Variants in MYO5A observed in about 807,000 individuals in gnomAD.
MYO5A encodes the protein myosin VA, also known as unconventional myosin-Va.
A neutral mutation model predicts 249.7 loss-of-function variants in MYO5A; 98 were observed. The observed-to-expected ratio is 0.39, with a 90% CI of 0.33 to 0.46. MYO5A has a LOEUF of 0.46. MYO5A is among the 20% of genes least tolerant of loss of function. MYO5A has a pLI of 0.98. For synonymous variants in MYO5A, 778 were observed against 810.6 expected, an observed-to-expected ratio of 0.96 and a Z score of 0.68; for missense variants, 1,696 against 2,308.8, an observed-to-expected ratio of 0.73 and a Z score of 5.44.
intron 1 of MYO5A, among the ~76,000 whole-genome samples, chr15:52,436,684 G>A (rs967481635): frequency 1.3e-5 from 2 of 152,174 alleles, no homozygotes; most frequent in Non-Finnish European, 2.9e-5. Flanking sequence ...GCAGTACTTA[G>A]AACAGTACCT....
At chr15:52,400,162 T>A (rs1440534267) in intron 9 of MYO5A, among the ~76,000 whole-genome samples, 2 of 152,206 alleles carry the variant, frequency 1.3e-5, no homozygotes, top group Admixed American at 1.3e-4. Flanking sequence ...CTTGCTATAT[T>A]TTGATTTTTT....
intron 32 of MYO5A, 115 bp downstream of exon 32, chr15:52,340,081 C>T: frequency 9.3e-7 from 1 of 1,076,276 alleles, no homozygotes; most frequent in African/African-American, 1.6e-5. Context: ...AGAGGGGTAA[C>T]AAGTACAGAG....
intron 1 of MYO5A, among the ~76,000 whole-genome samples, chr15:52,487,685 C>T (rs982986607): frequency 1.3e-5 from 2 of 149,214 alleles, no homozygotes; most frequent in Non-Finnish European, 1.5e-5. Flanking sequence ...GATCATGCCA[C>T]TGCACTCCAG....
At chr15:52,322,972 C>T (rs1160518979) in intron 37 of MYO5A, among the ~76,000 whole-genome samples, 1 of 151,974 alleles carries the variant, frequency 6.6e-6, no homozygotes, top group Non-Finnish European at 1.5e-5. Context: ...CCAATGCCAT[C>T]CCTCCCCCCG....
intron 15 of MYO5A, 142 bp downstream of exon 15, chr15:52,384,019 G>T: frequency 2.1e-6 from 2 of 936,698 alleles, no homozygotes; most frequent in Non-Finnish European, 3.2e-6. Flanking sequence ...AGTTTTAGTG[G>T]ATGGTGTCGT....
chr15:52,524,720 T>C (rs2077698480), intron 1 of MYO5A, among the ~76,000 whole-genome samples: 2 of 151,468 alleles, frequency 1.3e-5, no homozygotes, highest in African/African-American at 2.4e-5. Flanking sequence ...TAGAAGAAAT[T>C]TAAAAATTAG....
Position 52,309,413 on chromosome 15 carries a change from G to C in MYO5A, c.*4283C>G, listed in dbSNP as rs2037710933. The C allele has an allele frequency of 3.9e-5, 6 of 152,194 alleles. No homozygotes were observed. In the South Asian group the frequency reaches 1.0e-3, roughly 26 times the overall value. The allele number at this position is 152,194 out of a possible 1,614,324, so 9.4% of individuals were successfully genotyped here. On this transcript the variant is annotated 3_prime_UTR_variant, in exon 42 of 42. Coordinates refer to ENST00000399233, the MANE Select transcript of MYO5A (RefSeq NM_001382347.1). ...TTCCCACATGCCAGCTGCCAACTCT[G>C]ATAAAAAAGCACCCCTTGCTGGCCA...
chr15:52,385,094 T>C (rs145264075), intron 14 of MYO5A, among the ~76,000 whole-genome samples: 11 of 152,320 alleles, frequency 7.2e-5, no homozygotes, highest in East Asian at 1.9e-4. Context: ...TTAGTCAATA[T>C]GGTTGGGAGA....
rs1289268810 is a variant in MYO5A, at chr15:52,364,195, GCC to G, written c.3309+357_3309+358del. Among the ~76,000 whole-genome samples, 3 of 151,564 alleles carry G rather than the reference GCC, an allele frequency of 2.0e-5. No individual in the cohort carries two copies. In the East Asian group the frequency reaches 5.8e-4, roughly 29 times the overall value. On this transcript the variant is annotated intron_variant, in intron 24 of 41. Transcript: ENST00000399233. ...GGAGGTTGCAGTGAGCCGAGATTGTGCCACTACACTCCAGCCTGGTGACACAG... is the reference window on the plus strand; with the variant it reads ...GGAGGTTGCAGTGAGCCGAGATTGTGACTACACTCCAGCCTGGTGACACAG...
At chr15:52,364,738 G>A (rs746128957) in intron 23 of MYO5A, 36 bp from the exon 24 acceptor site, 7 of 1,609,384 alleles carry the variant, frequency 4.3e-6, no homozygotes, top group Non-Finnish European at 5.9e-6. Flanking sequence ...ACTAAAGATG[G>A]CCCCTTGAGA....
intron 9 of MYO5A, among the ~76,000 whole-genome samples, chr15:52,403,045 T>C (rs372799556): frequency 6.3e-4 from 96 of 152,310 alleles, no homozygotes; most frequent in African/African-American, 2.2e-3. Flanking sequence ...TAAGTACTAT[T>C]TCTCCAAGAT....
At chr15:52,362,965 C>T (rs761582178) in intron 24 of MYO5A, among the ~76,000 whole-genome samples, 4 of 152,194 alleles carry the variant, frequency 2.6e-5, no homozygotes, top group Non-Finnish European at 4.4e-5. Context: ...CCAAGAAATT[C>T]TCCAGAAAAG....
chr15:52,508,785 C>A (rs2693464), intron 1 of MYO5A, among the ~76,000 whole-genome samples: 142,021 of 152,156 alleles, frequency 0.93, 67,075 homozygotes, highest in East Asian at 1. Flanking sequence ...TTTTCTTTAC[C>A]TCTTTATTAT....
intron 1 of MYO5A, among the ~76,000 whole-genome samples, chr15:52,510,785 T>A (rs2077374301): frequency 1.3e-5 from 2 of 152,234 alleles, no homozygotes. Context: ...AACTGGTCCC[T>A]GGGGCCAAAA....
rs1259177100 is a variant in MYO5A at position 52,503,376 on chromosome 15, ACTTTGGGAGGC to A, written c.27+25393_27+25403del. On this transcript the variant is annotated intron_variant, in intron 1 of 41. Transcript: ENST00000399233. The stretch of plus-strand genomic sequence containing the variant: ...GTGGCTCACACCTGTAAATGCCAGC[ACTTTGGGAGGC>A]CAAGGTGGGAGGATCTCTTGAGTCA... Among the ~76,000 whole-genome samples, 4 of 152,232 alleles carry A rather than the reference ACTTTGGGAGGC, an allele frequency of 2.6e-5. No homozygotes were observed. The South Asian group carries it at 6.2e-4, about 24-fold the overall frequency.
chr15:52,341,682 C>A (rs576425699), intron 31 of MYO5A, among the ~76,000 whole-genome samples: 1 of 152,216 alleles, frequency 6.6e-6, no homozygotes, highest in Admixed American at 6.5e-5. Context: ...GTGATTAAAA[C>A]ATTTCAAAAA....
intron 30 of MYO5A, among the ~76,000 whole-genome samples, chr15:52,345,262 A>G (rs1332958791): frequency 6.6e-6 from 1 of 152,210 alleles, no homozygotes; most frequent in Non-Finnish European, 1.5e-5. Flanking sequence ...TACTCTGTAA[A>G]TAACTGTTAC....
chr15:52,376,570 A>G lies in MYO5A; in HGVS notation c.2209-12T>C. On this transcript the variant is annotated splice_polypyrimidine_tract_variant and intron_variant, in intron 18 of 41. Transcript: ENST00000399233. ...TATTTGTCCTTGTCCTATTTTTGGA[A>G]GAAATTGTATATTCAGAAATAATAA... is the stretch of plus-strand genomic sequence containing the variant. 6.2e-7 allele frequency: 1 copy of G among 1,606,486 alleles called. No individual in the cohort carries two copies.
Position 52,367,142 on chromosome 15 carries a change from A to T in MYO5A, c.3067-18T>A, listed in dbSNP as rs1457451056. Reference sequence around the variant, plus strand: ...GATACCAGCTACGAAATGAAACAATAAACTGAGATGGTTGCAATGGACAGA... The same window carrying T: ...GATACCAGCTACGAAATGAAACAATTAACTGAGATGGTTGCAATGGACAGA... On this transcript the variant is annotated intron_variant, in intron 22 of 41. Coordinates refer to ENST00000399233, the MANE Select transcript of MYO5A (RefSeq NM_001382347.1). The T allele has an allele frequency of 6.2e-7, 1 of 1,602,226 alleles. No homozygotes were observed. Among genetic ancestry groups the T allele is most frequent in the East Asian group, 2.2e-5 (1 of 44,772 alleles).
Sources: allele counts gnomAD v4.1 joint callset (sites outside exome capture counted in the v4.1 genomes callset), GRCh38; gene constraint gnomAD v4.1.1; transcripts MANE v1.5; gene names NCBI Gene and HGNC (gene_info 2026-07-23, HGNC 2026-07-21).